Variants in NT5C2 observed in about 807,000 individuals in gnomAD.
The protein encoded by NT5C2 is cytosolic purine 5'-nucleotidase.
NT5C2 carries 58 observed loss-of-function variants against 76.1 expected under a neutral mutation model. The observed-to-expected ratio is 0.76, with a 90% CI of 0.62 to 0.95. NT5C2 has a LOEUF of 0.95. Ranked by LOEUF, NT5C2 falls within the 40% of genes least tolerant of loss-of-function variation. NT5C2 has a pLI of 0.00. For missense variants in NT5C2, 478 were observed against 690.3 expected (o/e 0.69, Z 3.45); for synonymous variants, 229 against 237.4 (o/e 0.96, Z 0.32).
chr10:103,188,913 G>A (rs1399558209), intron 1 of NT5C2, among the ~76,000 whole-genome samples: 1 of 152,070 alleles, frequency 6.6e-6, no homozygotes, highest in East Asian at 1.9e-4. Context: ...TCGGGAGGCA[G>A]AGGCAGGAGA....
chr10:103,093,828 T>C (rs1055565300), intron 14 of NT5C2, 144 bp downstream of exon 14: 2 of 623,354 alleles, frequency 3.2e-6, no homozygotes, highest in African/African-American at 3.7e-5. Context: ...CCTATTGCAT[T>C]AAGAGGTGAC....
rs1296414371 is a variant in NT5C2, at chr10:103,106,907, TTATA to T, written c.176-205_176-202del. 2.6e-5 allele frequency among the ~76,000 whole-genome samples: 4 copies of T among 152,230 alleles called. No homozygotes were observed. The East Asian group carries it at 5.8e-4, about 22-fold the overall frequency. ...TGTTAGTCTGTGGAAATAGGTCATA[TTATA>T]TAGCAGGAGCACAGCAACAAGCTGA... On this transcript the variant is annotated intron_variant, in intron 4 of 18. Transcript: ENST00000404739.
At chr10:103,137,220 A>AG (rs71019661) in intron 4 of NT5C2, among the ~76,000 whole-genome samples, 47,928 of 151,986 alleles carry the variant, frequency 0.32, 7,635 homozygotes, top group Middle Eastern at 0.37. Flanking sequence ...AAGAGACTAT[A>AG]GATTTTCTTC....
chr10:103,160,623 G>C (rs936568907), intron 3 of NT5C2, among the ~76,000 whole-genome samples: 2 of 152,068 alleles, frequency 1.3e-5, no homozygotes, highest in African/African-American at 4.8e-5. Flanking sequence ...TACACAAATG[G>C]CCAGTAAGAA....
chr10:103,115,684 G>T (rs1248539845), intron 4 of NT5C2, among the ~76,000 whole-genome samples: 1 of 152,098 alleles, frequency 6.6e-6, no homozygotes, highest in Admixed American at 6.5e-5. Context: ...AATTCAGAGA[G>T]ATTAATTTAA....
chr10:103,142,973 A>G (rs2080777065), intron 3 of NT5C2, among the ~76,000 whole-genome samples: 1 of 150,490 alleles, frequency 6.6e-6, no homozygotes, highest in South Asian at 2.1e-4. Flanking sequence ...TGGGCTACAA[A>G]GCAAGATTCC....
intron 3 of NT5C2, among the ~76,000 whole-genome samples, chr10:103,155,058 A>C (rs2083082058): frequency 6.6e-6 from 1 of 152,216 alleles, no homozygotes; most frequent in Admixed American, 6.5e-5. Flanking sequence ...GCATTGTCTA[A>C]AGATGATTAG....
chr10:103,189,346 G>A (rs1262703480), intron 1 of NT5C2, among the ~76,000 whole-genome samples: 7 of 151,982 alleles, frequency 4.6e-5, no homozygotes, highest in East Asian at 1.9e-4. Flanking sequence ...GGTAGCTCAC[G>A]CCTGTAATCG....
At chr10:103,173,137 C>T (rs1290842112) in intron 3 of NT5C2, among the ~76,000 whole-genome samples, 1 of 152,072 alleles carries the variant, frequency 6.6e-6, no homozygotes, top group Non-Finnish European at 1.5e-5. Flanking sequence ...ATGCGAGCCA[C>T]CATGCCTGGC....
chr10:103,089,574 C>G lies in NT5C2; in HGVS notation c.*98G>C. On this transcript the variant is annotated 3_prime_UTR_variant, in exon 19 of 19. Coordinates refer to ENST00000404739, the MANE Select transcript of NT5C2 (RefSeq NM_001351169.2). ...TCAGACGTACCTTTCATGGAGCCCCCTCCCTCCCCCGAGTAGAACCCTAAC... is the reference window on the plus strand; with the variant it reads ...TCAGACGTACCTTTCATGGAGCCCCGTCCCTCCCCCGAGTAGAACCCTAAC... 1 of 1,429,298 alleles carries G rather than the reference C, an allele frequency of 7.0e-7. No individual in the cohort carries two copies. The allele number at this position is 1,429,298 out of a possible 1,614,324, so 88.5% of individuals were successfully genotyped here. A position where few individuals can be genotyped will look rare whatever the true frequency, so the allele number is the denominator to read the frequency against.
intron 4 of NT5C2, among the ~76,000 whole-genome samples, chr10:103,114,472 T>A (rs1230179421): frequency 1.3e-5 from 2 of 151,856 alleles, no homozygotes; most frequent in Non-Finnish European, 2.9e-5. Flanking sequence ...AAACAAAAAC[T>A]CTTTCAGCCA....
rs758982511 is a variant in NT5C2 at position 103,178,954 on chromosome 10, C to CTTTTTTTTTTTT, written c.-25+2219_-25+2230dup. Among the ~76,000 whole-genome samples, 3 of 128,478 alleles carry CTTTTTTTTTTTT rather than the reference C, an allele frequency of 2.3e-5. 1 individual carries two copies. The highest frequency in any genetic ancestry group is 2.3e-4 in the East Asian group (1 of 4,338). The allele number at this position is 128,478 out of a possible 152,430, so 84.3% of individuals were successfully genotyped here. ...TCTACGTTTTCTTTTTTCTTTTTTT[C>CTTTTTTTTTTTT]TTTTTTTTTTTTGAGATAGAGTCTT... is the stretch of plus-strand genomic sequence containing the variant. On this transcript the variant is annotated intron_variant, in intron 2 of 18. Coordinates refer to ENST00000404739, the MANE Select transcript of NT5C2 (RefSeq NM_001351169.2).
intron 1 of NT5C2, among the ~76,000 whole-genome samples, chr10:103,190,126 A>T (rs775442947): frequency 4.2e-5 from 6 of 142,668 alleles, no homozygotes; most frequent in Non-Finnish European, 9.0e-5. Context: ...TCAGCCTCCC[A>T]AGTAGCTGGG....
At chr10:103,155,310 C>T (rs1201165426) in intron 3 of NT5C2, among the ~76,000 whole-genome samples, 3 of 152,196 alleles carry the variant, frequency 2.0e-5, no homozygotes, top group African/African-American at 7.2e-5. Context: ...TTTTTAAAAA[C>T]TGACACTGTG....
chr10:103,178,954 C>CTTTTTTTTTTTTTTTTTTTTTTTTTTTTT (rs758982511), intron 2 of NT5C2, among the ~76,000 whole-genome samples: 2 of 128,480 alleles, frequency 1.6e-5, no homozygotes, highest in Non-Finnish European at 3.3e-5. Context: ...TTCTTTTTTT[C>CTTTTTTTTTTTTTTTTTTTTTTTTTTTTT]TTTTTTTTTT....
At chr10:103,136,451 ACGG>A (rs1335828693) in intron 4 of NT5C2, among the ~76,000 whole-genome samples, 1 of 152,210 alleles carries the variant, frequency 6.6e-6, no homozygotes, top group Non-Finnish European at 1.5e-5. Flanking sequence ...AGCACTTGGA[ACGG>A]GTCCTGGCAT....
chr10:103,147,993 C>T (rs949561658), intron 3 of NT5C2, among the ~76,000 whole-genome samples: 1 of 151,884 alleles, frequency 6.6e-6, no homozygotes, highest in Non-Finnish European at 1.5e-5. Flanking sequence ...CTCAATAAAG[C>T]TGTTATTAAA....
intron 3 of NT5C2, among the ~76,000 whole-genome samples, chr10:103,173,763 A>G (rs1174210016): frequency 1.4e-5 from 2 of 142,072 alleles, no homozygotes; most frequent in South Asian, 4.4e-4. Flanking sequence ...TGTCACTACT[A>G]AAAAAAAAAA....
At chr10:103,133,541 G>A (rs1340981298) in intron 4 of NT5C2, among the ~76,000 whole-genome samples, 1 of 152,194 alleles carries the variant, frequency 6.6e-6, no homozygotes, top group Admixed American at 6.5e-5. Flanking sequence ...GATTACAGGT[G>A]TGAGCCACCA....
Sources: gnomAD v4.1 joint callset for allele counts (sites outside exome capture counted in the v4.1 genomes callset) on GRCh38, gnomAD v4.1.1 for gene constraint, MANE v1.5 for transcripts, NCBI Gene and HGNC (gene_info 2026-07-23, HGNC 2026-07-21) for gene names.